Variants in SLC44A2 observed in about 807,000 individuals in gnomAD.
SLC44A2 encodes choline transporter-like protein 2.
In SLC44A2, 57 loss-of-function variants were observed where a neutral mutation model predicts 90.8. That is an observed-to-expected ratio of 0.63 (90% CI 0.51 to 0.78). SLC44A2 has a LOEUF of 0.78. Among genes scored for constraint, SLC44A2 ranks in the 30% least tolerant of loss-of-function variants. The pLI, the probability that SLC44A2 is intolerant of heterozygous loss-of-function variation, is 0.00. For synonymous variants in SLC44A2, 355 were observed against 360.7 expected, an observed-to-expected ratio of 0.98 and a Z score of 0.18; for missense variants, 794 against 919.7, an observed-to-expected ratio of 0.86 and a Z score of 1.77.
intron 1 of SLC44A2, among the ~76,000 whole-genome samples, chr19:10,619,752 G>T (rs527881764): frequency 3.9e-5 from 6 of 152,076 alleles, no homozygotes; most frequent in Non-Finnish European, 8.8e-5. Flanking sequence ...TCAGGAGTTC[G>T]CGACTAGCCT....
intron 4 of SLC44A2, among the ~76,000 whole-genome samples, chr19:10,630,440 T>A (rs2066981421): frequency 6.6e-6 from 1 of 151,996 alleles, no homozygotes; most frequent in African/African-American, 2.4e-5. Context: ...GTGGATCACC[T>A]GAGGTCAGGA....
At chr19:10,640,835 C>T (rs1027838851) in intron 20 of SLC44A2, among the ~76,000 whole-genome samples, 2 of 152,142 alleles carry the variant, frequency 1.3e-5, no homozygotes, top group Non-Finnish European at 2.9e-5. Flanking sequence ...CCTGTAATCC[C>T]AGCACTTTGG....
upstream of SLC44A2, among the ~76,000 whole-genome samples, chr19:10,621,944 T>G (rs2066897871): frequency 6.6e-6 from 1 of 152,148 alleles, no homozygotes; most frequent in African/African-American, 2.4e-5. Context: ...GTACTTTTAG[T>G]AGAGATGGGG....
intron 16 of SLC44A2, 28 bp downstream of exon 16, chr19:10,636,784 C>T: frequency 6.2e-7 from 1 of 1,602,750 alleles, no homozygotes. Flanking sequence ...TTCGCATTAG[C>T]TCCTGTTGCG....
Position 10,627,949 on chromosome 19 carries a change from A to T in SLC44A2, c.190A>T (p.Ile64Phe), listed in dbSNP as rs773951328. Residue 64 changes from isoleucine to phenylalanine, a missense_variant, in exon 4 of 22, where the codon ATC becomes TTC. Around this residue, in one of 3 missense-constraint regions of SLC44A2, gnomAD observed 738 missense variants for 841.1 expected, o/e 0.88. Transcript: ENST00000335757. ...GACTCATGGAGACCCTCGAAAGGTG[A>T]TCTACCCCACTGACAGCCGGGGCGA... ...AWTHGDPRKVIYPTDSRGEFC... is the reference protein window; with the variant it reads ...AWTHGDPRKVFYPTDSRGEFC... 1 of 1,613,976 alleles carries T rather than the reference A, an allele frequency of 6.2e-7. No individual in the cohort carries two copies. Among genetic ancestry groups the T allele is most frequent in the Admixed American group, 1.7e-5 (1 of 59,958 alleles).
intron 20 of SLC44A2, among the ~76,000 whole-genome samples, chr19:10,639,168 A>T (rs1300438169): frequency 6.6e-6 from 1 of 152,120 alleles, no homozygotes; most frequent in African/African-American, 2.4e-5. Flanking sequence ...TCCTGACCTC[A>T]AGTGATCCGC....
intron 1 of SLC44A2, among the ~76,000 whole-genome samples, chr19:10,612,223 T>C (rs1918323072): frequency 1.3e-5 from 2 of 151,666 alleles, no homozygotes; most frequent in Non-Finnish European, 2.9e-5. Context: ...AAATTAAAAA[T>C]TAGCGGGGCG....
chr19:10,638,957 G>A (rs1402726227), intron 20 of SLC44A2, among the ~76,000 whole-genome samples: 7 of 152,104 alleles, frequency 4.6e-5, no homozygotes, highest in Non-Finnish European at 8.8e-5. Flanking sequence ...GAGCCACCAC[G>A]TGTGGCTAAT....
intron 20 of SLC44A2, among the ~76,000 whole-genome samples, chr19:10,641,966 C>G (rs1351379831): frequency 6.6e-6 from 1 of 151,866 alleles, no homozygotes; most frequent in Non-Finnish European, 1.5e-5. Flanking sequence ...TTGAGACCAG[C>G]CTGGCCAACA....
rs930384876 is a variant in SLC44A2, at chr19:10,636,332, T to C, written c.1243T>C (p.Ser415Pro). 6.2e-7 allele frequency: 1 copy of C among 1,610,828 alleles called. No individual in the cohort carries two copies. Among genetic ancestry groups the C allele is most frequent in the Non-Finnish European group, 8.5e-7 (1 of 1,178,014 alleles). Residue 415 changes from serine to proline, a missense_variant, in exon 15 of 22, where the codon TCC becomes CCC. By Grantham distance (74) the Ser-to-Pro change is moderately conservative. Transcript: ENST00000335757. ...CCCTTCTCTCCCACAGACCTTCCCCTCCTCCAATGAGTCCCGCCAATGCCC... is the reference window on the plus strand; with the variant it reads ...CCCTTCTCTCCCACAGACCTTCCCCCCCTCCAATGAGTCCCGCCAATGCCC... Reference protein sequence around the residue: ...AKTCNPETFPSSNESRQCPNA... With the variant: ...AKTCNPETFPPSNESRQCPNA...
chr19:10,638,326 C>T lies in SLC44A2; in HGVS notation c.1929+11C>T. 2 of 1,612,114 alleles carry T rather than the reference C, an allele frequency of 1.2e-6. No homozygotes were observed. Among genetic ancestry groups the T allele is most frequent in the South Asian group, 1.1e-5 (1 of 91,016 alleles). Reference sequence around the variant, plus strand: ...TGGGTTCCTATACTGGTATGGACCTCTGGGGAGAGATGGGGGTTTGGGAAG... The same window carrying T: ...TGGGTTCCTATACTGGTATGGACCTTTGGGGAGAGATGGGGGTTTGGGAAG... On this transcript the variant is annotated intron_variant, in intron 20 of 21. Transcript: ENST00000335757.
chr19:10,639,498 G>A (rs960560215), intron 20 of SLC44A2, among the ~76,000 whole-genome samples: 1 of 152,140 alleles, frequency 6.6e-6, no homozygotes, highest in Non-Finnish European at 1.5e-5. Context: ...GAAGCTGCAG[G>A]CAATATCCAG....
chr19:10,615,098 A>G (rs546730076), intron 1 of SLC44A2, among the ~76,000 whole-genome samples: 2 of 151,792 alleles, frequency 1.3e-5, no homozygotes, highest in East Asian at 3.9e-4. Flanking sequence ...GGAAAAGAAA[A>G]TACATTTATT....
At chr19:10,635,754 A>T in intron 14 of SLC44A2, 1 of 305,640 alleles carries the variant, frequency 3.3e-6, no homozygotes, top group Non-Finnish European at 5.7e-6. Flanking sequence ...GTGCTAAATC[A>T]CCCATTTTTC....
intron 1 of SLC44A2, among the ~76,000 whole-genome samples, chr19:10,615,881 C>T (rs930133819): frequency 6.6e-6 from 1 of 151,186 alleles, no homozygotes; most frequent in Admixed American, 6.6e-5. Flanking sequence ...TGAAATGAGG[C>T]GGGCTGGACA....
At chr19:10,617,847 C>T (rs751390733) in intron 1 of SLC44A2, among the ~76,000 whole-genome samples, 1 of 152,190 alleles carries the variant, frequency 6.6e-6, no homozygotes. Flanking sequence ...CACCCTCTGC[C>T]ATTCTAGCTG....
intron 11 of SLC44A2, 28 bp from the exon 12 acceptor site, chr19:10,634,946 C>T: frequency 6.2e-7 from 1 of 1,614,132 alleles, no homozygotes; most frequent in Non-Finnish European, 8.5e-7. Flanking sequence ...GTGGGGAGCC[C>T]AGCCGGCTCA....
intron 16 of SLC44A2, 96 bp from the exon 17 acceptor site, chr19:10,637,548 C>T: frequency 4.4e-6 from 5 of 1,144,714 alleles, no homozygotes; most frequent in Non-Finnish European, 6.6e-6. Context: ...CTCAGGAGAC[C>T]TGGACATTGG....
At chr19:10,603,986 C>A (rs780962460) in intron 1 of SLC44A2, among the ~76,000 whole-genome samples, 3 of 152,214 alleles carry the variant, frequency 2.0e-5, no homozygotes, top group Non-Finnish European at 4.4e-5. Flanking sequence ...CTAGGCAGAC[C>A]TCCCAGGCCC....
Sources: allele counts gnomAD v4.1 joint callset (sites outside exome capture counted in the v4.1 genomes callset), GRCh38; gene constraint gnomAD v4.1.1; regional missense constraint gnomAD v4.1.1; transcripts MANE v1.5; gene names NCBI Gene and HGNC (gene_info 2026-07-23, HGNC 2026-07-21).